Variants in VAT1L observed in about 807,000 individuals in gnomAD.
The protein encoded by VAT1L is putative NADPH-dependent quinone oxidoreductase VAT1L.
VAT1L carries 34 observed loss-of-function variants against 44.1 expected under a neutral mutation model. The observed-to-expected ratio is 0.77, with a 90% CI of 0.59 to 1.03. The LOEUF (loss-of-function observed/expected upper bound fraction) is 1.03, where lower values mean the gene tolerates loss of function less well. Among genes scored for constraint, VAT1L ranks in the 50% least tolerant of loss-of-function variants. The probability of loss-of-function intolerance (pLI) is 0.00; values close to 1 mark genes in which losing one functional copy is unlikely to be tolerated. For synonymous variants in VAT1L, 253 were observed against 202.2 expected, an observed-to-expected ratio of 1.25 and a Z score of -2.13; for missense variants, 615 against 538.8, an observed-to-expected ratio of 1.14 and a Z score of -1.40.
intron 2 of VAT1L, among the ~76,000 whole-genome samples, chr16:77,819,389 C>A (rs1027001099): frequency 6.7e-6 from 1 of 149,472 alleles, no homozygotes; most frequent in East Asian, 2.0e-4. Flanking sequence ...TTTTTTTTTT[C>A]TTTTTCTTTT....
chr16:77,903,009 C>T (rs2017401039), intron 7 of VAT1L, among the ~76,000 whole-genome samples: 1 of 147,370 alleles, frequency 6.8e-6, no homozygotes, highest in Non-Finnish European at 1.5e-5. Flanking sequence ...AAAAGTAACA[C>T]AGGAATAAAA....
intron 7 of VAT1L, among the ~76,000 whole-genome samples, chr16:77,955,676 G>C (rs1443158196): frequency 6.7e-6 from 1 of 148,390 alleles, no homozygotes; most frequent in Non-Finnish European, 1.5e-5. Flanking sequence ...AGTGAGCTGA[G>C]ATCGCAACAC....
chr16:77,871,157 T>A (rs999101927), intron 4 of VAT1L, among the ~76,000 whole-genome samples: 1 of 152,148 alleles, frequency 6.6e-6, no homozygotes, highest in Non-Finnish European at 1.5e-5. Context: ...AAAAGCATCC[T>A]CACCCTCAGG....
At chr16:77,791,889 T>G (rs957777887) in intron 1 of VAT1L, among the ~76,000 whole-genome samples, 2 of 152,210 alleles carry the variant, frequency 1.3e-5, no homozygotes, top group East Asian at 3.8e-4. Flanking sequence ...ATGTCAGTTT[T>G]GATGGCAGAT....
chr16:77,845,348 G>A (rs890639072), intron 3 of VAT1L, among the ~76,000 whole-genome samples: 1 of 152,084 alleles, frequency 6.6e-6, no homozygotes, highest in African/African-American at 2.4e-5. Context: ...ATGTTCCTGA[G>A]TGTGCTCTCC....
At chr16:77,835,687 A>C (rs2016631743) in intron 3 of VAT1L, among the ~76,000 whole-genome samples, 1 of 152,148 alleles carries the variant, frequency 6.6e-6, no homozygotes, top group Non-Finnish European at 1.5e-5. Flanking sequence ...AGCCTGGCCA[A>C]CATGGTGAAA....
intron 8 of VAT1L, 65 bp downstream of exon 8, chr16:77,971,998 C>A: frequency 1.3e-6 from 2 of 1,492,974 alleles, no homozygotes; most frequent in South Asian, 1.2e-5. Context: ...CAATCAGATG[C>A]AGACACGGGT....
rs963031097 is a variant in VAT1L at position 77,809,008 on chromosome 16, T to G, written c.234-7913T>G. On this transcript the variant is annotated intron_variant, in intron 1 of 8. Transcript: ENST00000302536. ...GTATACAGTAGGCTCAATGTGCTAGTTGAGTGGAGAGTTCTTGTCTTTGTA... is the reference window on the plus strand; with the variant it reads ...GTATACAGTAGGCTCAATGTGCTAGGTGAGTGGAGAGTTCTTGTCTTTGTA... 2.0e-5 allele frequency among the ~76,000 whole-genome samples: 3 copies of G among 152,306 alleles called. No homozygotes were observed. The East Asian group carries it at 5.8e-4, about 29-fold the overall frequency.
At chr16:77,916,470 T>C (rs2017553432) in intron 7 of VAT1L, among the ~76,000 whole-genome samples, 1 of 152,144 alleles carries the variant, frequency 6.6e-6, no homozygotes, top group Non-Finnish European at 1.5e-5. Flanking sequence ...TTTTTGTTTT[T>C]GTTTTTAATT....
chr16:77,953,638 G>T (rs547836237), intron 7 of VAT1L, among the ~76,000 whole-genome samples: 6 of 152,094 alleles, frequency 3.9e-5, no homozygotes, highest in Admixed American at 6.6e-5. Context: ...ACTCCTGGGG[G>T]CTCAGCCTCC....
intron 7 of VAT1L, among the ~76,000 whole-genome samples, chr16:77,924,253 T>G (rs2017642752): frequency 6.6e-6 from 1 of 152,100 alleles, no homozygotes; most frequent in Non-Finnish European, 1.5e-5. Flanking sequence ...GAGGTTTTCC[T>G]CATGACTGCA....
Position 77,936,871 on chromosome 16 carries a change from C to CTTGTTTGTTTGTTTGT in VAT1L, c.1078-34964_1078-34949dup, listed in dbSNP as rs142846091. Among the ~76,000 whole-genome samples, 7 of 150,622 alleles carry CTTGTTTGTTTGTTTGT rather than the reference C, an allele frequency of 4.6e-5. 1 individual carries two copies. Among genetic ancestry groups the CTTGTTTGTTTGTTTGT allele is most frequent in the South Asian group, 4.2e-4 (2 of 4,740 alleles). Reference sequence around the variant, plus strand: ...TAAGACCTGAGGGTTTGTTTGGTTTCTTGTTTGTTTGTTTGTTTGTTTGTT... The same window carrying CTTGTTTGTTTGTTTGT: ...TAAGACCTGAGGGTTTGTTTGGTTTCTTGTTTGTTTGTTTGTTTGTTTGTTTGTTTGTTTGTTTGTT... On this transcript the variant is annotated intron_variant, in intron 7 of 8. Coordinates refer to ENST00000302536, the MANE Select transcript of VAT1L (RefSeq NM_020927.3).
intron 7 of VAT1L, among the ~76,000 whole-genome samples, chr16:77,902,094 C>G (rs78666198): frequency 0.011 from 1,702 of 152,316 alleles, 38 homozygotes; most frequent in African/African-American, 0.039. Context: ...TTTTAAAAAT[C>G]TAAACTTTTT....
At chr16:77,810,349 C>A (rs556023726) in intron 1 of VAT1L, among the ~76,000 whole-genome samples, 9 of 152,120 alleles carry the variant, frequency 5.9e-5, no homozygotes, top group Non-Finnish European at 1.2e-4. Flanking sequence ...AGAGGTGGGG[C>A]CCAAAAATCT....
chr16:77,922,936 C>G (rs1361460217), intron 7 of VAT1L, among the ~76,000 whole-genome samples: 1 of 152,158 alleles, frequency 6.6e-6, no homozygotes, highest in Non-Finnish European at 1.5e-5. Context: ...GGGACCTCAA[C>G]CCAGACCTGT....
At chr16:77,935,500 A>T (rs1040174559) in intron 7 of VAT1L, among the ~76,000 whole-genome samples, 5 of 52,662 alleles carry the variant, frequency 9.5e-5, no homozygotes, top group South Asian at 5.6e-4. Flanking sequence ...GACGGTTTAT[A>T]AAAAAAAAAA....
At chr16:77,946,276 G>GTTTTTTTTTTTTTTTTTTTTTTTTT (rs1597114758) in intron 7 of VAT1L, among the ~76,000 whole-genome samples, 1 of 33,862 alleles carries the variant, frequency 3.0e-5, no homozygotes. Context: ...TAGGTTACTT[G>GTTTTTTTTTTTTTTTTTTTTTTTTT]TTCTTTTTTT....
chr16:77,788,938 G>T, intron 1 of VAT1L, 23 bp downstream of exon 1: 2 of 1,454,082 alleles, frequency 1.4e-6, no homozygotes, highest in Non-Finnish European at 1.8e-6. Context: ...CGCCTTTCTC[G>T]CTTTCTCTCT....
chr16:77,970,325 G>A (rs1220413116), intron 7 of VAT1L, among the ~76,000 whole-genome samples: 1 of 152,188 alleles, frequency 6.6e-6, no homozygotes, highest in Non-Finnish European at 1.5e-5. Flanking sequence ...TTGATAATAT[G>A]TTACCAGACT....
Sources: gnomAD v4.1 joint callset for allele counts (sites outside exome capture counted in the v4.1 genomes callset) on GRCh38, gnomAD v4.1.1 for gene constraint, MANE v1.5 for transcripts, NCBI Gene and HGNC (gene_info 2026-07-23, HGNC 2026-07-21) for gene names.